Variants in ULK4 observed in about 807,000 individuals in gnomAD.
The protein encoded by ULK4 is inactive serine/threonine-protein kinase ULK4.
ULK4 carries 133 observed loss-of-function variants against 160.6 expected under a neutral mutation model. That is an observed-to-expected ratio of 0.83 (90% CI 0.72 to 0.96). The LOEUF is 0.96. Ranked by LOEUF, ULK4 falls within the 40% of genes least tolerant of loss-of-function variation. ULK4 has a pLI of 0.00. For missense variants in ULK4, 1,580 were observed against 1,499.5 expected (o/e 1.05, Z -0.89); for synonymous variants, 534 against 539.8 (o/e 0.99, Z 0.15).
At chr3:41,704,301 G>A (rs2036788846) in intron 27 of ULK4, among the ~76,000 whole-genome samples, 1 of 152,206 alleles carries the variant, frequency 6.6e-6, no homozygotes, top group Non-Finnish European at 1.5e-5. Context: ...AATCGCCAGT[G>A]CTTCAGTGAG....
intron 34 of ULK4, among the ~76,000 whole-genome samples, chr3:41,446,022 T>G (rs1020272343): frequency 4.0e-4 from 61 of 151,610 alleles, no homozygotes; most frequent in Non-Finnish European, 6.0e-4. Flanking sequence ...TCAAACAAAT[T>G]TACAAGAAAA....
intron 35 of ULK4, among the ~76,000 whole-genome samples, chr3:41,340,773 G>A (rs746860364): frequency 8.5e-5 from 13 of 152,186 alleles, no homozygotes; most frequent in Non-Finnish European, 1.8e-4. Flanking sequence ...GATGTGCTAT[G>A]ATTTAAAATG....
Position 41,907,950 on chromosome 3 carries a change from T to C in ULK4, c.1086-9A>G, listed in dbSNP as rs749508215. On this transcript the variant is annotated splice_polypyrimidine_tract_variant and intron_variant, in intron 11 of 36. Coordinates refer to ENST00000301831, the MANE Select transcript of ULK4 (RefSeq NM_017886.4). Reference sequence around the variant, plus strand: ...TGGGAGTAGGACGAGAACTGAAAAATACAAACCAGTTAACATTATTCAATT... The same window carrying C: ...TGGGAGTAGGACGAGAACTGAAAAACACAAACCAGTTAACATTATTCAATT... 16 of 1,580,982 alleles carry C rather than the reference T, an allele frequency of 1.0e-5. No homozygotes were observed. The highest frequency in any genetic ancestry group is 1.7e-6 in the Non-Finnish European group (2 of 1,162,478).
At chr3:41,699,630 C>T (rs142111628) in intron 27 of ULK4, among the ~76,000 whole-genome samples, 134 of 152,292 alleles carry the variant, frequency 8.8e-4, no homozygotes, top group Middle Eastern at 3.4e-3. Flanking sequence ...ATTAAGAGCT[C>T]GTGCTCAGCA....
intron 7 of ULK4, among the ~76,000 whole-genome samples, chr3:41,917,319 A>G (rs934840697): frequency 1.1e-4 from 17 of 152,070 alleles, no homozygotes; most frequent in African/African-American, 4.1e-4. Context: ...GCTAGGCTAC[A>G]TACCAAGACC....
chr3:41,923,914 T>C (rs1343098842), intron 5 of ULK4, among the ~76,000 whole-genome samples: 1 of 152,168 alleles, frequency 6.6e-6, no homozygotes, highest in Non-Finnish European at 1.5e-5. Flanking sequence ...GGCCACATTA[T>C]TGATTTATAT....
intron 35 of ULK4, among the ~76,000 whole-genome samples, chr3:41,288,067 G>A (rs1027425239): frequency 2.2e-4 from 33 of 152,116 alleles, no homozygotes; most frequent in African/African-American, 6.8e-4. Flanking sequence ...AAGAGAACAC[G>A]ATGATTTCTT....
chr3:41,580,474 A>T (rs967022339), intron 31 of ULK4, among the ~76,000 whole-genome samples: 52 of 152,076 alleles, frequency 3.4e-4, no homozygotes, highest in Non-Finnish European at 7.2e-4. Flanking sequence ...GTGGTTCAAC[A>T]CAATGTAGGC....
chr3:41,624,444 C>T (rs942421988), intron 30 of ULK4, among the ~76,000 whole-genome samples: 12 of 152,162 alleles, frequency 7.9e-5, no homozygotes, highest in South Asian at 6.3e-4. Context: ...AAGGCATAAC[C>T]ACACAAAACT....
chr3:41,775,174 A>G (rs2039560500), intron 21 of ULK4, among the ~76,000 whole-genome samples: 2 of 150,324 alleles, frequency 1.3e-5, no homozygotes, highest in Admixed American at 1.3e-4. Flanking sequence ...ATACATATGT[A>G]ACAAACGTGC....
intron 31 of ULK4, among the ~76,000 whole-genome samples, chr3:41,605,758 A>T (rs2032347936): frequency 6.6e-6 from 1 of 152,070 alleles, no homozygotes. Context: ...CAACCTATTT[A>T]TCTAATTGAC....
chr3:41,500,045 A>G (rs1196338525), intron 32 of ULK4, among the ~76,000 whole-genome samples: 4 of 151,784 alleles, frequency 2.6e-5, no homozygotes, highest in African/African-American at 9.7e-5. Context: ...CATTCTTAAT[A>G]CTGTTTATTT....
chr3:41,713,859 G>A (rs915915759), intron 25 of ULK4, among the ~76,000 whole-genome samples: 2 of 151,962 alleles, frequency 1.3e-5, no homozygotes, highest in African/African-American at 2.4e-5. Context: ...GGAAAATCTT[G>A]GTAATTCTTT....
At chr3:41,831,232 A>T (rs1292086395) in intron 18 of ULK4, among the ~76,000 whole-genome samples, 3 of 151,702 alleles carry the variant, frequency 2.0e-5, no homozygotes, top group African/African-American at 7.3e-5. Flanking sequence ...CACCATGTTG[A>T]CCAGGGCGGT....
rs113717227 is a variant in ULK4, at chr3:41,776,520, A to C, written c.2193+13141T>G. ...CACTACAAAGTACTAATTTCAAAAA[A>C]GATGAACATTTCTATAAACAGATAC... On this transcript the variant is annotated intron_variant, in intron 21 of 36. Coordinates refer to ENST00000301831, the MANE Select transcript of ULK4 (RefSeq NM_017886.4). Among the ~76,000 whole-genome samples the C allele has an allele frequency of 3.1e-3, 474 of 151,166 alleles. 40 individuals carry two copies. The highest frequency in any genetic ancestry group is 0.011 in the African/African-American group (459 of 40,424).
At chr3:41,675,143 G>A (rs1008178491) in intron 29 of ULK4, among the ~76,000 whole-genome samples, 3 of 152,142 alleles carry the variant, frequency 2.0e-5, no homozygotes, top group South Asian at 4.2e-4. Flanking sequence ...GGGAGGCTGA[G>A]GCAGGAGAAT....
At chr3:41,320,857 C>T (rs2080231718) in intron 35 of ULK4, among the ~76,000 whole-genome samples, 1 of 152,154 alleles carries the variant, frequency 6.6e-6, no homozygotes, top group South Asian at 2.1e-4. Flanking sequence ...GTAGAGGTTG[C>T]AGTGAGCCAA....
chr3:41,301,365 G>T (rs1334803704), intron 35 of ULK4, among the ~76,000 whole-genome samples: 5 of 152,112 alleles, frequency 3.3e-5, no homozygotes, highest in African/African-American at 4.8e-5. Context: ...CGACAGAATA[G>T]AATGGACAGA....
In ULK4 at chr3:41,896,709, T is replaced by C. The variant is rs551079399; in HGVS notation, c.1530+113A>G. 39 of 1,210,896 alleles carry C rather than the reference T, an allele frequency of 3.2e-5. 1 individual carries two copies. The African/African-American group carries it at 5.1e-4, about 16-fold the overall frequency. 75.0% of individuals were successfully genotyped at this position (1,210,896 alleles called of 1,614,324 possible). A position where few individuals can be genotyped will look rare whatever the true frequency, so the allele number is the denominator to read the frequency against. ...GAGGATAATTTTCATAAACCTAAAA[T>C]CGTGATAAATCAGTTTTTTTGTGGT... is the stretch of plus-strand genomic sequence containing the variant. On this transcript the variant is annotated intron_variant, in intron 15 of 36. Coordinates refer to ENST00000301831, the MANE Select transcript of ULK4 (RefSeq NM_017886.4).
Sources: gnomAD v4.1 joint callset for allele counts (sites outside exome capture counted in the v4.1 genomes callset) on GRCh38, gnomAD v4.1.1 for gene constraint, MANE v1.5 for transcripts, NCBI Gene and HGNC (gene_info 2026-07-23, HGNC 2026-07-21) for gene names.